Variants in ELMO2 observed in about 807,000 individuals in gnomAD.
ELMO2 encodes the protein engulfment and cell motility protein 2.
In ELMO2, 37 loss-of-function variants were observed where a neutral mutation model predicts 96.2. That is an observed-to-expected ratio of 0.38 (90% confidence interval 0.30 to 0.51). ELMO2 has a LOEUF of 0.51. Among genes scored for constraint, ELMO2 ranks in the 20% least tolerant of loss-of-function variants. The pLI is 0.88. For missense variants in ELMO2, 561 were observed against 912.6 expected, an observed-to-expected ratio of 0.61 and a Z score of 4.96; for synonymous variants, 315 against 329.4, an observed-to-expected ratio of 0.96 and a Z score of 0.47.
chr20:46,374,282 G>A, intron 15 of ELMO2, 50 bp downstream of exon 15: 1 of 1,477,586 alleles, frequency 6.8e-7, no homozygotes, highest in Non-Finnish European at 9.5e-7. Context: ...GTCTCACTGA[G>A]CTCTTGATGA....
intron 20 of ELMO2, 138 bp from the exon 21 acceptor site, chr20:46,369,106 G>T (rs2145752208): frequency 1.3e-6 from 1 of 775,272 alleles, no homozygotes; most frequent in Non-Finnish European, 2.1e-6. Context: ...CTCCTAGGCG[G>T]CCACAAGTGT....
At chr20:46,388,558 G>A (rs565334245) in intron 7 of ELMO2, among the ~76,000 whole-genome samples, 2 of 152,166 alleles carry the variant, frequency 1.3e-5, no homozygotes, top group African/African-American at 4.8e-5. Context: ...TGGTGAATGG[G>A]TAGGTTGACA....
chr20:46,374,102 T>TTG (rs1245375657), intron 15 of ELMO2, among the ~76,000 whole-genome samples: 24 of 141,052 alleles, frequency 1.7e-4, no homozygotes, highest in African/African-American at 6.3e-4. Flanking sequence ...TTTTTGGTTT[T>TTG]TTTTTTTTTT....
In ELMO2 at chr20:46,370,379, C is replaced by A. The variant is rs765104995; in HGVS notation, c.1884+64G>T. 1.1e-5 allele frequency: 17 copies of A among 1,479,694 alleles called. No homozygotes were observed. The South Asian group carries it at 1.7e-4, about 15-fold the overall frequency. 91.7% of individuals were successfully genotyped at this position (1,479,694 alleles called of 1,614,324 possible). A position where few individuals can be genotyped will look rare whatever the true frequency, so the allele number is the denominator to read the frequency against. On this transcript the variant is annotated intron_variant, in intron 20 of 21. Coordinates refer to ENST00000290246, the MANE Select transcript of ELMO2 (RefSeq NM_133171.5). The stretch of plus-strand genomic sequence containing the variant: ...ATGCCAAGAATGCACCTGGAAAAAA[C>A]CACCACCAATGGCACTCTCCAAGTA...
intron 6 of ELMO2, among the ~76,000 whole-genome samples, chr20:46,390,495 G>T (rs2060132764): frequency 1.3e-5 from 2 of 152,216 alleles, no homozygotes; most frequent in African/African-American, 4.8e-5. Flanking sequence ...AATGAAGGCT[G>T]GTGAAGACAA....
chr20:46,383,156 A>G (rs968398866), intron 10 of ELMO2, among the ~76,000 whole-genome samples: 3 of 152,242 alleles, frequency 2.0e-5, no homozygotes, highest in African/African-American at 7.2e-5. Flanking sequence ...CATAAAGTCA[A>G]ACATATTTAT....
intron 7 of ELMO2, 25 bp from the exon 8 acceptor site, chr20:46,387,462 A>G: frequency 6.3e-7 from 1 of 1,585,080 alleles, no homozygotes; most frequent in Non-Finnish European, 8.7e-7. Context: ...ACACACACAC[A>G]AAATAGACAA....
intron 6 of ELMO2, among the ~76,000 whole-genome samples, chr20:46,392,317 C>T (rs74640195): frequency 2.5e-4 from 38 of 152,262 alleles, no homozygotes; most frequent in African/African-American, 8.4e-4. Context: ...CCTTCCACAT[C>T]TAGCATATCA....
At chr20:46,383,137 C>A (rs2059985845) in intron 10 of ELMO2, among the ~76,000 whole-genome samples, 1 of 152,210 alleles carries the variant, frequency 6.6e-6, no homozygotes, top group Admixed American at 6.5e-5. Context: ...TCACATAGAC[C>A]ATATGGCCCA....
rs1016697465 is a variant in ELMO2 at position 46,371,723 on chromosome 20, G to A, written c.1581-32C>T. On this transcript the variant is annotated intron_variant, in intron 17 of 21. Coordinates refer to ENST00000290246, the MANE Select transcript of ELMO2 (RefSeq NM_133171.5). The surrounding 1 kb of genome is among the most constrained non-coding windows in gnomAD (Gnocchi z 5.9). The stretch of plus-strand genomic sequence containing the variant: ...TGGACACACACTGGAGTGAGCGGAA[G>A]GTCATGGGGACAGTGGAGCTCTGGA... 8.7e-6 allele frequency: 14 copies of A among 1,613,670 alleles called. No homozygotes were observed. Among genetic ancestry groups the A allele is most frequent in the Admixed American group, 3.3e-5 (2 of 59,994 alleles).
At chr20:46,391,561 G>A (rs2060149865) in intron 6 of ELMO2, among the ~76,000 whole-genome samples, 2 of 152,074 alleles carry the variant, frequency 1.3e-5, no homozygotes, top group Admixed American at 6.6e-5. Flanking sequence ...TTCTACAAAT[G>A]TAACCAAAGG....
In ELMO2 at chr20:46,373,595, C is replaced by G; in HGVS notation, c.1280-60G>C. On this transcript the variant is annotated intron_variant, in intron 15 of 21. Transcript: ENST00000290246. ...CTCTGTCCACAAGGGCCTGGGAGCT[C>G]ATGTCTGGAAACTTTGCACCAAAGT... is the stretch of plus-strand genomic sequence containing the variant. 3.1e-6 allele frequency: 5 copies of G among 1,588,150 alleles called. No homozygotes were observed. In the Middle Eastern group the frequency reaches 8.4e-4, roughly 267 times the overall value.
intron 6 of ELMO2, 64 bp downstream of exon 6, chr20:46,393,029 C>T (rs1793881203): frequency 7.1e-7 from 1 of 1,412,316 alleles, no homozygotes; most frequent in Non-Finnish European, 1.0e-6. Flanking sequence ...AGAGTCTGGC[C>T]CATGGTAGGT....
rs748974257 is a variant in ELMO2, at chr20:46,380,293, T to C, written c.767A>G (p.Asn256Ser). Residue 256 changes from asparagine (N) to serine (S), a missense_variant, in exon 11 of 22, where the codon AAT becomes AGT. Asn to Ser is a conservative substitution (Grantham distance 46). Coordinates refer to ENST00000290246, the MANE Select transcript of ELMO2 (RefSeq NM_133171.5). ...CCGGAGATGCTTCTGTGCAAATGCA[T>C]TTGCCATATCCTGTGGAGGAAAATA... ...APEDKRQDMA[N>S]AFAQKHLRSI... 15 of 1,613,482 alleles carry C rather than the reference T, an allele frequency of 9.3e-6. No individual in the cohort carries two copies. The East Asian group carries it at 2.5e-4, about 26-fold the overall frequency.
chr20:46,393,906 TC>T, intron 4 of ELMO2, 142 bp downstream of exon 4: 1 of 1,161,060 alleles, frequency 8.6e-7, no homozygotes, highest in African/African-American at 1.5e-5. Context: ...CAACTGTACT[TC>T]CTTCCCAAGA....
In ELMO2 at chr20:46,371,151, C is replaced by T. The variant is rs1483512939; in HGVS notation, c.1801+201G>A. Among the ~76,000 whole-genome samples the T allele has an allele frequency of 2.0e-5, 3 of 152,318 alleles. No homozygotes were observed. The East Asian group carries it at 5.8e-4, about 29-fold the overall frequency. On this transcript the variant is annotated intron_variant, in intron 19 of 21. Transcript: ENST00000290246. The surrounding 1 kb of genome is among the most constrained non-coding windows in gnomAD (Gnocchi z 5.9). ...ACCACCCTTTACAGTCTACACAATA[C>T]ATTCACACCTGTGAACTCATTGTTT...
chr20:46,373,259 A>T, intron 16 of ELMO2, 140 bp downstream of exon 16: 1 of 1,126,296 alleles, frequency 8.9e-7, no homozygotes, highest in Non-Finnish European at 1.2e-6. Flanking sequence ...GAGGCTCCCC[A>T]GTGCCTCAGT....
intron 2 of ELMO2, among the ~76,000 whole-genome samples, chr20:46,395,538 C>T (rs2060228750): frequency 1.3e-5 from 2 of 152,238 alleles, no homozygotes; most frequent in Non-Finnish European, 1.5e-5. Flanking sequence ...TGGGGACCAC[C>T]TGCCTCTCCT....
intron 1 of ELMO2, among the ~76,000 whole-genome samples, chr20:46,399,410 A>G (rs2060299694): frequency 1.3e-5 from 2 of 152,158 alleles, no homozygotes; most frequent in Non-Finnish European, 2.9e-5. Flanking sequence ...ACCTTTGCAC[A>G]TTCTCTTCCT....
Sources: gnomAD v4.1 joint callset for allele counts (sites outside exome capture counted in the v4.1 genomes callset) on GRCh38, gnomAD v4.1.1 for gene constraint, Gnocchi (gnomAD v3.1) non-coding constraint, MANE v1.5 for transcripts, NCBI Gene and HGNC (gene_info 2026-07-23, HGNC 2026-07-21) for gene names.